The following PHC3 variants were observed in gnomAD, a reference collection of about 807,000 sequenced individuals.
PHC3 encodes the protein polyhomeotic homolog 3.
PHC3 carries 13 observed loss-of-function variants against 107.4 expected under a neutral mutation model. The observed-to-expected ratio is 0.12, with a 90% CI of 0.08 to 0.19. PHC3 has a LOEUF of 0.19. Ranked by LOEUF, PHC3 falls within the 10% of genes least tolerant of loss-of-function variation. The pLI is 1.00. For synonymous variants in PHC3, 456 were observed against 427.4 expected (o/e 1.07, Z -0.83); for missense variants, 992 against 1,210.9 (o/e 0.82, Z 2.68).
intron 6 of PHC3, among the ~76,000 whole-genome samples, chr3:170,143,568 TAC>T (rs1560088456): frequency 6.6e-6 from 1 of 152,158 alleles, no homozygotes; most frequent in Non-Finnish European, 1.5e-5. Flanking sequence ...GACCCTAAAA[TAC>T]CCATTTCTGC....
At chr3:170,137,692 AATT>A (rs1309660081) in intron 6 of PHC3, among the ~76,000 whole-genome samples, 8 of 152,226 alleles carry the variant, frequency 5.3e-5, no homozygotes, top group African/African-American at 1.4e-4. Context: ...TGAGGTAAGG[AATT>A]CAAGACCAGC....
At chr3:170,155,531 G>T (rs901868576) in intron 4 of PHC3, among the ~76,000 whole-genome samples, 1 of 152,146 alleles carries the variant, frequency 6.6e-6, no homozygotes, top group African/African-American at 2.4e-5. Flanking sequence ...GACCAGCCTG[G>T]TCAACATGGT....
chr3:170,120,917 C>T (rs986630937), intron 9 of PHC3, among the ~76,000 whole-genome samples: 2 of 152,008 alleles, frequency 1.3e-5, no homozygotes, highest in Non-Finnish European at 2.9e-5. Flanking sequence ...ACAACAAAGC[C>T]GGAACCAAGA....
intron 11 of PHC3, among the ~76,000 whole-genome samples, chr3:170,111,442 AAG>A (rs755439318): frequency 6.6e-6 from 1 of 151,218 alleles, no homozygotes; most frequent in African/African-American, 2.4e-5. Flanking sequence ...AAAGAAAGGA[AAG>A]AGAAGAGAAG....
At chr3:170,146,971 C>A (rs1725081666) in intron 5 of PHC3, among the ~76,000 whole-genome samples, 2 of 150,642 alleles carry the variant, frequency 1.3e-5, no homozygotes, top group African/African-American at 4.9e-5. Context: ...CAACCTCTGC[C>A]TTCCGAGTTC....
At chr3:170,147,248 C>A (rs1030939432) in intron 5 of PHC3, 4 of 152,098 alleles carry the variant, frequency 2.6e-5, no homozygotes, top group Non-Finnish European at 5.9e-5. Flanking sequence ...CAAGTTGTTT[C>A]AAAGAATGTG....
chr3:170,158,020 TAAA>T (rs1017415095), intron 4 of PHC3, among the ~76,000 whole-genome samples: 16 of 151,832 alleles, frequency 1.1e-4, no homozygotes, highest in African/African-American at 3.9e-4. Flanking sequence ...AACCAATAAA[TAAA>T]GAAGACAATA....
intron 4 of PHC3, chr3:170,150,717 G>C (rs1577174177): frequency 2.4e-6 from 1 of 422,340 alleles, no homozygotes; most frequent in South Asian, 1.6e-5. Context: ...CATCTAAAAA[G>C]AGAAAAGAAA....
intron 8 of PHC3, among the ~76,000 whole-genome samples, chr3:170,124,869 A>G (rs373429484): frequency 6.6e-6 from 1 of 152,226 alleles, no homozygotes. Flanking sequence ...CTATAAGGAT[A>G]TAACAGTAAG....
chr3:170,110,851 G>A (rs995465652), intron 11 of PHC3, among the ~76,000 whole-genome samples: 1 of 152,222 alleles, frequency 6.6e-6, no homozygotes, highest in East Asian at 1.9e-4. Context: ...TACACAGGGA[G>A]ACACATTATA....
chr3:170,100,791 A>G (rs1343012594), intron 14 of PHC3, among the ~76,000 whole-genome samples: 1 of 152,236 alleles, frequency 6.6e-6, no homozygotes, highest in East Asian at 1.9e-4. Flanking sequence ...AAATAAAAAA[A>G]GAAGTGAAAG....
chr3:170,180,404 G>A (rs7633156), intron 1 of PHC3, among the ~76,000 whole-genome samples: 3,458 of 152,154 alleles, frequency 0.023, 132 homozygotes, highest in African/African-American at 0.079. Context: ...AGCTATGATC[G>A]TGCCACTGCA....
intron 2 of PHC3, among the ~76,000 whole-genome samples, chr3:170,173,712 G>C (rs1729972711): frequency 6.6e-6 from 1 of 152,008 alleles, no homozygotes; most frequent in African/African-American, 2.4e-5. Context: ...GAAAATCAGT[G>C]GGTTACAAAA....
intron 8 of PHC3, among the ~76,000 whole-genome samples, chr3:170,125,732 T>C (rs573745908): frequency 6.6e-6 from 1 of 152,308 alleles, no homozygotes; most frequent in African/African-American, 2.4e-5. Flanking sequence ...AGAACTCTCA[T>C]ATAAAGGCGA....
intron 6 of PHC3, among the ~76,000 whole-genome samples, chr3:170,137,702 C>T (rs1408251049): frequency 2.0e-5 from 3 of 152,226 alleles, no homozygotes; most frequent in African/African-American, 7.2e-5. Flanking sequence ...AATTCAAGAC[C>T]AGCCTGGCCA....
At chr3:170,138,380 T>C (rs1445322186) in intron 6 of PHC3, among the ~76,000 whole-genome samples, 4 of 152,024 alleles carry the variant, frequency 2.6e-5, no homozygotes, top group East Asian at 1.9e-4. Flanking sequence ...CACTGCATTA[T>C]TAAAGTTTAA....
chr3:170,111,317 GGAAC>G (rs1252000410), intron 11 of PHC3, among the ~76,000 whole-genome samples: 5,038 of 107,368 alleles, frequency 0.047, 175 homozygotes, highest in Middle Eastern at 0.11. Flanking sequence ...AAGGAAGGAA[GGAAC>G]GAACGAACGA....
chr3:170,149,603 C>T (rs557408384), intron 4 of PHC3, among the ~76,000 whole-genome samples: 5 of 152,148 alleles, frequency 3.3e-5, no homozygotes, highest in South Asian at 2.1e-4. Context: ...TACAGGCATA[C>T]GCCACCACGC....
intron 4 of PHC3, among the ~76,000 whole-genome samples, chr3:170,158,152 T>A (rs1375240056): frequency 1.3e-5 from 2 of 151,988 alleles, no homozygotes; most frequent in African/African-American, 2.4e-5. Context: ...TTCCATAAGG[T>A]AAGCTGACCT....
Sources: allele counts gnomAD v4.1 joint callset (sites outside exome capture counted in the v4.1 genomes callset), GRCh38; gene constraint gnomAD v4.1.1; transcripts MANE v1.5; gene names NCBI Gene and HGNC (gene_info 2026-07-23, HGNC 2026-07-21).